CALN1: variants seen among roughly 807,000 people sequenced by gnomAD.
CALN1 encodes the protein calcium-binding protein 8.
Under a neutral mutation model 30.6 loss-of-function variants are expected in CALN1, and 17 were observed. The ratio of observed to expected loss-of-function variants is 0.56; its 90% CI spans 0.38 to 0.83. The LOEUF (loss-of-function observed/expected upper bound fraction) is 0.83. CALN1 is among the 40% of genes least tolerant of loss of function. The pLI, the probability that CALN1 is intolerant of heterozygous loss-of-function variation, is 0.00. For missense variants in CALN1, 291 were observed against 354.9 expected (o/e 0.82, Z 1.45); for synonymous variants, 156 against 131.4 (o/e 1.19, Z -1.28).
rs1791933978 is a variant in CALN1 at position 72,207,015 on chromosome 7, C to T, written c.244+71671G>A. On this transcript the variant is annotated intron_variant, in intron 3 of 6. Transcript: ENST00000395275. Reference sequence around the variant, plus strand: ...TATCTTTGCTGTAAAGCTGTTGAAACAGTCTCTATATCATCTCTAACATCA... The same window carrying T: ...TATCTTTGCTGTAAAGCTGTTGAAATAGTCTCTATATCATCTCTAACATCA... 3.3e-5 allele frequency among the ~76,000 whole-genome samples: 5 copies of T among 152,202 alleles called. No homozygotes were observed. The South Asian group carries it at 1.0e-3, about 32-fold the overall frequency.
At chr7:71,833,577 G>A (rs201696558) in intron 5 of CALN1, among the ~76,000 whole-genome samples, 91 of 121,062 alleles carry the variant, frequency 7.5e-4, no homozygotes, top group South Asian at 1.0e-3. Context: ...ACATGGTAAA[G>A]AAAAAAAAAA....
At chr7:72,003,551 T>C (rs1192610725) in intron 5 of CALN1, among the ~76,000 whole-genome samples, 2 of 152,154 alleles carry the variant, frequency 1.3e-5, no homozygotes, top group African/African-American at 2.4e-5. Context: ...TCCTGTCAGA[T>C]CAGCAGTAGC....
intron 3 of CALN1, among the ~76,000 whole-genome samples, chr7:72,272,530 C>G (rs1486729911): frequency 6.6e-6 from 1 of 152,016 alleles, no homozygotes; most frequent in East Asian, 1.9e-4. Flanking sequence ...CCACTGCACT[C>G]CAGCCTAGGC....
chr7:71,939,011 C>T (rs956689013), intron 5 of CALN1, among the ~76,000 whole-genome samples: 1 of 152,056 alleles, frequency 6.6e-6, no homozygotes, highest in African/African-American at 2.4e-5. Context: ...ATGAATGAAT[C>T]CAAAATGGAG....
intron 3 of CALN1, among the ~76,000 whole-genome samples, chr7:72,148,162 A>G (rs1489749295): frequency 1.3e-5 from 2 of 150,522 alleles, no homozygotes; most frequent in Admixed American, 6.6e-5. Context: ...AAAAAGAAAT[A>G]TGATCCACAG....
At chr7:72,292,922 G>T (rs1798596212) in intron 2 of CALN1, among the ~76,000 whole-genome samples, 1 of 151,228 alleles carries the variant, frequency 6.6e-6, no homozygotes, top group Admixed American at 6.6e-5. Context: ...CCTATTTCCT[G>T]CCTGTGCCAG....
At chr7:72,024,787 C>T (rs941900959) in intron 4 of CALN1, among the ~76,000 whole-genome samples, 6 of 152,156 alleles carry the variant, frequency 3.9e-5, no homozygotes, top group Non-Finnish European at 8.8e-5. Flanking sequence ...TGTCCCCAAC[C>T]TTTGCATAAA....
At chr7:72,325,244 G>A (rs750830500) in intron 2 of CALN1, among the ~76,000 whole-genome samples, 1 of 152,144 alleles carries the variant, frequency 6.6e-6, no homozygotes, top group Non-Finnish European at 1.5e-5. Flanking sequence ...GCTGCAGTGA[G>A]CCATGATTGT....
intron 3 of CALN1, among the ~76,000 whole-genome samples, chr7:72,117,692 T>C (rs1379348460): frequency 2.6e-5 from 4 of 152,020 alleles, no homozygotes; most frequent in Non-Finnish European, 4.4e-5. Flanking sequence ...ACACGGTGGC[T>C]CCCACCTGTA....
the CALN1 span, among the ~76,000 whole-genome samples, chr7:72,466,899 AAGAG>A: frequency 1.3e-5 from 2 of 152,048 alleles, no homozygotes; most frequent in East Asian, 1.9e-4. Flanking sequence ...AAGAAAAAGA[AAGAG>A]AAAGAAAGAA....
intron 2 of CALN1, among the ~76,000 whole-genome samples, chr7:72,353,033 G>C (rs940596615): frequency 6.6e-6 from 1 of 152,004 alleles, no homozygotes; most frequent in South Asian, 2.1e-4. Context: ...TACCAAAATA[G>C]ACCCATGGAG....
At chr7:72,371,047 CAAAAAA>C (rs35918896) in intron 2 of CALN1, among the ~76,000 whole-genome samples, 1 of 91,582 alleles carries the variant, frequency 1.1e-5, no homozygotes, top group Non-Finnish European at 2.1e-5. Context: ...AATTAAGTCT[CAAAAAA>C]AAAAAAAAAA....
intron 5 of CALN1, among the ~76,000 whole-genome samples, chr7:71,968,701 C>G (rs111289564): frequency 0.054 from 8,074 of 150,364 alleles, 514 homozygotes; most frequent in African/African-American, 0.16. Flanking sequence ...TGGAAATATT[C>G]TCTATCTTTA....
the CALN1 span, among the ~76,000 whole-genome samples, chr7:72,460,488 C>T: frequency 5.9e-5 from 9 of 151,862 alleles, no homozygotes; most frequent in Non-Finnish European, 8.8e-5. Flanking sequence ...AAAAATTAGC[C>T]GGGCGTGGTG....
intron 3 of CALN1, among the ~76,000 whole-genome samples, chr7:72,140,247 G>C (rs1809800749): frequency 6.7e-6 from 1 of 148,670 alleles, no homozygotes; most frequent in African/African-American, 2.5e-5. Flanking sequence ...CTCCAGCCTG[G>C]GTGACAGAGT....
chr7:72,203,360 T>A (rs2677284), intron 3 of CALN1, among the ~76,000 whole-genome samples: 80,225 of 151,758 alleles, frequency 0.53, 24,674 homozygotes, highest in East Asian at 0.96. Flanking sequence ...AATAAAAAAT[T>A]AAAAAATCAC....
At chr7:72,093,301 G>C (rs1221928874) in intron 4 of CALN1, among the ~76,000 whole-genome samples, 1 of 152,140 alleles carries the variant, frequency 6.6e-6, no homozygotes, top group Non-Finnish European at 1.5e-5. Context: ...TTAGCATGAA[G>C]AATTTTAGCA....
intron 5 of CALN1, among the ~76,000 whole-genome samples, chr7:71,987,538 C>G (rs898812594): frequency 1.3e-5 from 2 of 152,200 alleles, no homozygotes; most frequent in African/African-American, 4.8e-5. Context: ...TGTGGAGGTG[C>G]GAGGACATGT....
chr7:72,359,297 C>G (rs1048161290), intron 2 of CALN1, among the ~76,000 whole-genome samples: 3 of 152,188 alleles, frequency 2.0e-5, no homozygotes, highest in African/African-American at 7.2e-5. Context: ...GTTCAATATT[C>G]CAATGTGAAA....
Sources: gnomAD v4.1 joint callset for allele counts (sites outside exome capture counted in the v4.1 genomes callset) on GRCh38, gnomAD v4.1.1 for gene constraint, MANE v1.5 for transcripts, NCBI Gene and HGNC (gene_info 2026-07-23, HGNC 2026-07-21) for gene names.